CNTN4: variants seen among roughly 807,000 people sequenced by gnomAD.
CNTN4 encodes the protein contactin-4.
In CNTN4, 77 loss-of-function variants were observed where a neutral mutation model predicts 122.5. The ratio of observed to expected loss-of-function variants is 0.63; its 90% CI spans 0.52 to 0.76. CNTN4 has a LOEUF of 0.76. Among genes scored for constraint, CNTN4 ranks in the 30% least tolerant of loss-of-function variants. The pLI is 0.00. For missense variants in CNTN4, 1,256 were observed against 1,259.1 expected (o/e 1.00, Z 0.04); for synonymous variants, 512 against 447.0 (o/e 1.15, Z -1.83).
At chr3:2,369,127 G>A (rs1444305522) in intron 3 of CNTN4, among the ~76,000 whole-genome samples, 1 of 151,964 alleles carries the variant, frequency 6.6e-6, no homozygotes, top group African/African-American at 2.4e-5. Context: ...GTTTAACCAT[G>A]TTGGCCAGGC....
At chr3:2,955,928 C>A (rs1332414183) in intron 13 of CNTN4, among the ~76,000 whole-genome samples, 5 of 152,180 alleles carry the variant, frequency 3.3e-5, no homozygotes, top group Non-Finnish European at 7.3e-5. Flanking sequence ...TATGATTGAA[C>A]AATTCCACTT....
intron 7 of CNTN4, among the ~76,000 whole-genome samples, chr3:2,840,431 T>C (rs370146339): frequency 6.6e-6 from 1 of 151,550 alleles, no homozygotes; most frequent in Non-Finnish European, 1.5e-5. Flanking sequence ...GCCGGCGCGG[T>C]GGCTCACGCC....
intron 3 of CNTN4, among the ~76,000 whole-genome samples, chr3:2,476,818 A>G (rs1408953925): frequency 1.3e-5 from 2 of 152,242 alleles, no homozygotes; most frequent in Non-Finnish European, 2.9e-5. Flanking sequence ...TGTAAAGTAT[A>G]CCTTAGCAAA....
intron 2 of CNTN4, among the ~76,000 whole-genome samples, chr3:2,206,609 T>G (rs1197156968): frequency 6.6e-6 from 1 of 152,104 alleles, no homozygotes; most frequent in Non-Finnish European, 1.5e-5. Context: ...TCGGTTTTGT[T>G]TTAAATATGT....
At chr3:2,557,107 A>G (rs1213251947) in intron 3 of CNTN4, among the ~76,000 whole-genome samples, 1 of 152,206 alleles carries the variant, frequency 6.6e-6, no homozygotes, top group Non-Finnish European at 1.5e-5. Flanking sequence ...GTTATCACTA[A>G]TTAGGATTCT....
At position 3,055,929 on chromosome 3, in the gene CNTN4, G is replaced by A. The variant is rs28373608; in HGVS notation, c.2981-191G>A. Among the ~76,000 whole-genome samples the A allele has an allele frequency of 8.0e-3, 1,218 of 152,230 alleles. 21 individuals carry two copies. The highest frequency in any genetic ancestry group is 0.028 in the African/African-American group (1,148 of 41,528). ...TACAAATGCTTTGACAGAGGTACAG[G>A]GCTGTCCTATACCCTACTCCCAGGT... On this transcript the variant is annotated intron_variant, in intron 24 of 24. Transcript: ENST00000418658.
intron 14 of CNTN4, among the ~76,000 whole-genome samples, chr3:3,024,891 GC>G (rs1698600742): frequency 6.6e-6 from 1 of 152,110 alleles, no homozygotes; most frequent in Non-Finnish European, 1.5e-5. Context: ...GTACCTCACA[GC>G]CTGAAATGCA....
chr3:2,618,086 A>G (rs568872004), intron 4 of CNTN4, among the ~76,000 whole-genome samples: 33 of 152,274 alleles, frequency 2.2e-4, no homozygotes, highest in Non-Finnish European at 3.7e-4. Context: ...AACACTGTAT[A>G]TGTAGTAGTT....
chr3:2,639,122 T>C (rs980635046), intron 4 of CNTN4, among the ~76,000 whole-genome samples: 3 of 152,212 alleles, frequency 2.0e-5, no homozygotes, highest in African/African-American at 7.2e-5. Context: ...CAACATTCTT[T>C]TTTTTCTTCA....
At chr3:2,383,076 A>C (rs1182763403) in intron 3 of CNTN4, among the ~76,000 whole-genome samples, 2 of 133,246 alleles carry the variant, frequency 1.5e-5, no homozygotes, top group Non-Finnish European at 3.4e-5. Context: ...AATCCATCTC[A>C]AAAAAAAAAA....
At chr3:2,233,314 G>A (rs1243533974) in intron 2 of CNTN4, among the ~76,000 whole-genome samples, 2 of 152,042 alleles carry the variant, frequency 1.3e-5, no homozygotes, top group African/African-American at 2.4e-5. Flanking sequence ...GTCAGTAGAT[G>A]GCATTCTCCA....
At chr3:2,611,427 T>C (rs984944187) in intron 4 of CNTN4, among the ~76,000 whole-genome samples, 2 of 151,998 alleles carry the variant, frequency 1.3e-5, no homozygotes, top group African/African-American at 4.8e-5. Context: ...GTAAAGTTGA[T>C]GGGCCAAGGA....
chr3:2,835,710 A>T (rs1342591204), intron 7 of CNTN4, among the ~76,000 whole-genome samples: 1 of 152,024 alleles, frequency 6.6e-6, no homozygotes, highest in African/African-American at 2.4e-5. Flanking sequence ...ATTTTTCAAA[A>T]GTGAAAAAAA....
At chr3:3,016,994 A>G (rs755741456) in intron 14 of CNTN4, among the ~76,000 whole-genome samples, 1 of 152,166 alleles carries the variant, frequency 6.6e-6, no homozygotes, top group African/African-American at 2.4e-5. Context: ...TCCGAGAACC[A>G]GGTCACAATA....
intron 3 of CNTN4, among the ~76,000 whole-genome samples, chr3:2,537,342 T>C (rs1326111686): frequency 2.0e-5 from 3 of 152,016 alleles, no homozygotes; most frequent in Non-Finnish European, 4.4e-5. Flanking sequence ...GTCTGAAGGA[T>C]AATAACTGAA....
intron 3 of CNTN4, among the ~76,000 whole-genome samples, chr3:2,443,637 G>C (rs551332375): frequency 1.3e-5 from 2 of 152,202 alleles, no homozygotes; most frequent in South Asian, 4.1e-4. Context: ...ATATATGACT[G>C]AGCTCAATTT....
intron 3 of CNTN4, among the ~76,000 whole-genome samples, chr3:2,367,906 G>A (rs1250641553): frequency 6.6e-6 from 1 of 151,854 alleles, no homozygotes; most frequent in Non-Finnish European, 1.5e-5. Flanking sequence ...TTGGCCTCAG[G>A]ATCCGTAAGT....
chr3:2,697,702 T>C (rs1487398900), intron 4 of CNTN4, among the ~76,000 whole-genome samples: 1 of 152,096 alleles, frequency 6.6e-6, no homozygotes, highest in African/African-American at 2.4e-5. Context: ...ACCGATACGA[T>C]GCATAGAGAG....
At chr3:2,796,428 G>C (rs1021958256) in intron 6 of CNTN4, among the ~76,000 whole-genome samples, 2 of 152,046 alleles carry the variant, frequency 1.3e-5, no homozygotes, top group African/African-American at 2.4e-5. Context: ...AATATCACTT[G>C]ATTAGATTCA....
Sources: allele counts gnomAD v4.1 joint callset (sites outside exome capture counted in the v4.1 genomes callset), GRCh38; gene constraint gnomAD v4.1.1; transcripts MANE v1.5; gene names NCBI Gene and HGNC (gene_info 2026-07-23, HGNC 2026-07-21).